Variants in CLSPN observed in about 807,000 individuals in gnomAD.
CLSPN encodes the protein claspin, also known as claspin homolog.
Under a neutral mutation model 156.3 loss-of-function variants are expected in CLSPN, and 85 were observed. The ratio of observed to expected loss-of-function variants is 0.54; its 90% CI spans 0.46 to 0.65. CLSPN has a LOEUF of 0.65. Ranked by LOEUF, CLSPN falls within the 30% of genes least tolerant of loss-of-function variation. CLSPN has a pLI of 0.00. For missense variants in CLSPN, 1,407 were observed against 1,554.9 expected, an observed-to-expected ratio of 0.90 and a Z score of 1.60; for synonymous variants, 534 against 542.4, an observed-to-expected ratio of 0.98 and a Z score of 0.22.
At chr1:35,765,429 A>C in intron 1 of CLSPN, 103 bp from the exon 2 acceptor site, 2 of 708,814 alleles carry the variant, frequency 2.8e-6, no homozygotes, top group South Asian at 3.5e-5. Context: ...TGAACTAAGG[A>C]AAGAACCAAA....
chr1:35,746,033 C>G lies in CLSPN; in HGVS notation c.2855-471G>C, dbSNP rs1211530317. ...CAATCTCGGCTCACTGCAACCTCCA[C>G]CTCCGGGGTTCAAGCAGTTCTCCTG... On this transcript the variant is annotated intron_variant, in intron 15 of 24. Coordinates refer to ENST00000318121, the MANE Select transcript of CLSPN (RefSeq NM_022111.4). This position sits in a 1 kb window ranked among gnomAD's most constrained non-coding sequence, Gnocchi z 4.2. Among the ~76,000 whole-genome samples, 3 of 151,480 alleles carry G rather than the reference C, an allele frequency of 2.0e-5. No individual in the cohort carries two copies. Among genetic ancestry groups the G allele is most frequent in the Admixed American group, 6.6e-5 (1 of 15,228 alleles).
chr1:35,736,275 T>C lies in CLSPN; in HGVS notation c.*221A>G, dbSNP rs1641468764. 5 of 1,173,968 alleles carry C rather than the reference T, an allele frequency of 4.3e-6. No homozygotes were observed. The highest frequency in any genetic ancestry group is 1.6e-5 in the African/African-American group (1 of 62,608). The allele number at this position is 1,173,968 out of a possible 1,614,324, so 72.7% of individuals were successfully genotyped here. On this transcript the variant is annotated 3_prime_UTR_variant, in exon 25 of 25. Transcript: ENST00000318121. ...AGTATTCCATGAGTTGTTGATGTTG[T>C]AAATACTGCAGAATTGAAATCAGTG...
At chr1:35,728,077 C>CT (rs59275877), downstream of CLSPN, among the ~76,000 whole-genome samples, 154 of 103,946 alleles carry the variant, frequency 1.5e-3, no homozygotes, top group African/African-American at 2.2e-3. Flanking sequence ...AAACCACAAG[C>CT]TTTTTTTTTT....
At position 35,746,096 on chromosome 1, in the gene CLSPN, C is replaced by G. The variant is rs1641871397; in HGVS notation, c.2855-534G>C. ...AAGTAGCTGCGATTACAGGCACGGG[C>G]CACCATGCCCAGATAATTTTTTGTA... On this transcript the variant is annotated intron_variant, in intron 15 of 24. Coordinates refer to ENST00000318121, the MANE Select transcript of CLSPN (RefSeq NM_022111.4). The surrounding 1 kb of genome is among the most constrained non-coding windows in gnomAD (Gnocchi z 4.2). Among the ~76,000 whole-genome samples the G allele has an allele frequency of 6.6e-6, 1 of 152,182 alleles. No homozygotes were observed. Among genetic ancestry groups the G allele is most frequent in the African/African-American group, 2.4e-5 (1 of 41,512 alleles).
downstream of CLSPN, among the ~76,000 whole-genome samples, chr1:35,727,977 C>G (rs985575744): frequency 6.6e-6 from 1 of 152,122 alleles, no homozygotes; most frequent in African/African-American, 2.4e-5. Context: ...TGCTTTCAGC[C>G]AGAACATTTC....
chr1:35,762,084 A>G lies in CLSPN; in HGVS notation c.823-14T>C, dbSNP rs1173120130. ...TGCCTTTCTTTCCTTAAAGAAAACA[A>G]GAAGTGAGACTACATTAATTATATG... is the stretch of plus-strand genomic sequence containing the variant. On this transcript the variant is annotated splice_polypyrimidine_tract_variant and intron_variant, in intron 5 of 24. Transcript: ENST00000318121. 9 of 1,559,374 alleles carry G rather than the reference A, an allele frequency of 5.8e-6. No individual in the cohort carries two copies. Among genetic ancestry groups the G allele is most frequent in the Non-Finnish European group, 8.0e-6 (9 of 1,130,976 alleles).
Position 35,746,680 on chromosome 1 carries a change from G to A in CLSPN, c.2854+86C>T, listed in dbSNP as rs754124678. 8 of 905,972 alleles carry A rather than the reference G, an allele frequency of 8.8e-6. No homozygotes were observed. Among genetic ancestry groups the A allele is most frequent in the African/African-American group, 3.3e-5 (2 of 61,146 alleles). The allele number at this position is 905,972 out of a possible 1,614,324, so 56.1% of individuals were successfully genotyped here. A position where few individuals can be genotyped will look rare whatever the true frequency, so the allele number is the denominator to read the frequency against. On this transcript the variant is annotated intron_variant, in intron 15 of 24. Coordinates refer to ENST00000318121, the MANE Select transcript of CLSPN (RefSeq NM_022111.4). This position sits in a 1 kb window ranked among gnomAD's most constrained non-coding sequence, Gnocchi z 4.2. ...CCCAAAGTTCTAGGATTACAGGCAT[G>A]AGCCACCCCACCCGCCCAGGGAATT...
chr1:35,729,652 A>G (rs183738298), downstream of CLSPN, among the ~76,000 whole-genome samples: 12 of 152,272 alleles, frequency 7.9e-5, no homozygotes, highest in East Asian at 2.3e-3. Flanking sequence ...ACTGGAGTCC[A>G]GGCATACACA....
In CLSPN at chr1:35,746,855, T is replaced by C. The variant is rs200764987; in HGVS notation, c.2765A>G (p.Gln922Arg). 1 of 1,613,806 alleles carries C rather than the reference T, an allele frequency of 6.2e-7. No individual in the cohort carries two copies. Among genetic ancestry groups the C allele is most frequent in the Non-Finnish European group, 8.5e-7 (1 of 1,179,778 alleles). Residue 922 changes from glutamine to arginine, a missense_variant, in exon 15 of 25, where the codon CAG (glutamine) becomes CGG (arginine). Coordinates refer to ENST00000318121, the MANE Select transcript of CLSPN (RefSeq NM_022111.4). This position sits in a 1 kb window ranked among gnomAD's most constrained non-coding sequence, Gnocchi z 4.2. ...LDLCTGKFTS[Q>R]AEKHLPRKSD... ...CTTCCTGGGTAGATGTTTTTCAGCC[T>C]GAGATGTGAACTTTCCAGTACACAA...
At chr1:35,720,791 A>T (rs986706933) in exon 25 of CLSPN, 32 of 779,492 alleles carry the variant, frequency 4.1e-5, no homozygotes, top group Admixed American at 3.1e-4. Flanking sequence ...ATCTAGGGTT[A>T]TGCAGTTCTG....
chr1:35,732,056 C>G, downstream of CLSPN: 2 of 715,434 alleles, frequency 2.8e-6, no homozygotes, highest in Non-Finnish European at 3.4e-6. Flanking sequence ...ACTGAAGCCC[C>G]CCAGCAACTC....
At chr1:35,726,733 GGTAA>G (rs1641200489) in intron 24 of CLSPN, among the ~76,000 whole-genome samples, 1 of 152,192 alleles carries the variant, frequency 6.6e-6, no homozygotes, top group Admixed American at 6.5e-5. Flanking sequence ...TATTGTGGGT[GGTAA>G]GTGTGAGAGG....
intron 8 of CLSPN, among the ~76,000 whole-genome samples, chr1:35,755,401 G>C (rs1309036680): frequency 6.6e-6 from 1 of 151,996 alleles, no homozygotes; most frequent in Middle Eastern, 3.4e-3. Context: ...CTAGAAGCTG[G>C]GATTACAGGC....
intron 8 of CLSPN, among the ~76,000 whole-genome samples, chr1:35,758,751 C>T (rs1420543385): frequency 6.6e-6 from 1 of 151,048 alleles, no homozygotes; most frequent in Non-Finnish European, 1.5e-5. Flanking sequence ...TGCATTATTT[C>T]AACAAATCTT....
chr1:35,753,735 G>C lies in CLSPN; in HGVS notation c.1771+10C>G, dbSNP rs370682121. ...AAAAAGCAAAAAACAAAACCTGTGG[G>C]CTCAAATACCTGGTTTTGTGTGGCT... On this transcript the variant is annotated intron_variant, in intron 9 of 24. Transcript: ENST00000318121. 3.0e-5 allele frequency: 49 copies of C among 1,613,428 alleles called. No individual in the cohort carries two copies. The highest frequency in any genetic ancestry group is 3.7e-5 in the Non-Finnish European group (44 of 1,179,702).
At position 35,737,403 on chromosome 1, in the gene CLSPN, A is replaced by G. The variant is rs879216434; in HGVS notation, c.3683T>C (p.Ile1228Thr). Residue 1228 changes from isoleucine (I) to threonine (T), a missense_variant, in exon 23 of 25, where the codon ATT (isoleucine) becomes ACT (threonine). Around this residue, in one of 3 missense-constraint regions of CLSPN, gnomAD observed 241 missense variants for 240.5 expected, o/e 1.00. Coordinates refer to ENST00000318121, the MANE Select transcript of CLSPN (RefSeq NM_022111.4). ...LQKNASRPMV[I>T]QESKSLLRNP... is the part of the protein sequence containing the mutation. ...TCTGAGCAAAGACTTTGATTCCTGA[A>G]TAACCATAGGGCGACTGGCTGGAAA... is the stretch of plus-strand genomic sequence containing the variant. 4.3e-6 allele frequency: 7 copies of G among 1,613,902 alleles called. No homozygotes were observed. The Admixed American group carries it at 1.0e-4, about 23-fold the overall frequency.
chr1:35,749,418 G>A (rs375999850), intron 12 of CLSPN, 49 bp downstream of exon 12: 3 of 1,573,406 alleles, frequency 1.9e-6, no homozygotes, highest in South Asian at 1.1e-5. Flanking sequence ...AAATATCAAA[G>A]CTGAGGGACA....
intron 16 of CLSPN, among the ~76,000 whole-genome samples, chr1:35,744,203 C>CT (rs1217463252): frequency 6.6e-6 from 1 of 152,212 alleles, no homozygotes; most frequent in Non-Finnish European, 1.5e-5. Context: ...TTTGACTACT[C>CT]TAAGTATCTC....
Position 35,736,867 on chromosome 1 carries a change from T to G in CLSPN, c.3909+47A>C, listed in dbSNP as rs115995902. ...TTGTTTTTAAATTTAAATAAATGAATAAATTCTGGTTTGGGAAGCCACCAT... is the reference window on the plus strand; with the variant it reads ...TTGTTTTTAAATTTAAATAAATGAAGAAATTCTGGTTTGGGAAGCCACCAT... On this transcript the variant is annotated intron_variant, in intron 24 of 24. Coordinates refer to ENST00000318121, the MANE Select transcript of CLSPN (RefSeq NM_022111.4). 974 of 1,569,206 alleles carry G rather than the reference T, an allele frequency of 6.2e-4. 7 individuals are homozygous for G. In the African/African-American group the frequency reaches 9.8e-3, roughly 16 times the overall value.
Sources: gnomAD v4.1 joint callset for allele counts (sites outside exome capture counted in the v4.1 genomes callset) on GRCh38, gnomAD v4.1.1 for gene constraint, gnomAD v4.1.1 regional missense constraint, Gnocchi (gnomAD v3.1) non-coding constraint, MANE v1.5 for transcripts, NCBI Gene and HGNC (gene_info 2026-07-23, HGNC 2026-07-21) for gene names.